Variants in PTN observed in about 807,000 individuals in gnomAD.
The protein encoded by PTN is pleiotrophin.
In PTN, 18 loss-of-function variants were observed where a neutral mutation model predicts 24.1. The observed-to-expected ratio is 0.75, with a 90% CI of 0.52 to 1.11. The LOEUF (loss-of-function observed/expected upper bound fraction) is 1.11. Ranked by LOEUF, PTN falls within the 50% of genes least tolerant of loss-of-function variation. The probability of loss-of-function intolerance (pLI) is 0.00; values close to 1 mark genes in which losing one functional copy is unlikely to be tolerated. For missense variants in PTN, 163 were observed against 198.8 expected (o/e 0.82, Z 1.08); for synonymous variants, 78 against 68.6 (o/e 1.14, Z -0.67).
At chr7:137,274,777 A>T (rs1007316825) in intron 1 of PTN, among the ~76,000 whole-genome samples, 5 of 151,684 alleles carry the variant, frequency 3.3e-5, no homozygotes, top group Admixed American at 1.3e-4. Context: ...TCATCTTGTC[A>T]TCAAAGATCA....
intron 1 of PTN, among the ~76,000 whole-genome samples, chr7:137,274,948 G>A (rs1291835643): frequency 2.0e-5 from 3 of 152,158 alleles, no homozygotes; most frequent in Admixed American, 1.3e-4. Flanking sequence ...CAAAGTAGTC[G>A]ATTTCTTTTA....
intron 1 of PTN, chr7:137,318,995 C>T (rs1218256430): frequency 1.3e-5 from 2 of 152,150 alleles, no homozygotes; most frequent in Non-Finnish European, 2.9e-5. Context: ...TTTTAAATTA[C>T]TGTAGGGATA....
At chr7:137,269,600 G>T (rs1585022372) in intron 1 of PTN, among the ~76,000 whole-genome samples, 1 of 136,740 alleles carries the variant, frequency 7.3e-6, no homozygotes, top group Non-Finnish European at 1.6e-5. Flanking sequence ...TTTTGGTCTT[G>T]CTATCTGTCA....
At chr7:137,228,127 T>A in intron 4 of PTN, 52 bp from the exon 5 acceptor site, 1 of 1,182,538 alleles carries the variant, frequency 8.5e-7, no homozygotes, top group East Asian at 2.3e-5. Context: ...AAATGTCAAG[T>A]TACTAAATTG....
At chr7:137,315,598 G>T (rs1245604249) in intron 1 of PTN, among the ~76,000 whole-genome samples, 1 of 152,140 alleles carries the variant, frequency 6.6e-6, no homozygotes, top group Non-Finnish European at 1.5e-5. Context: ...TGTGGAAAGG[G>T]GAGATCTAGC....
At chr7:137,321,574 T>G (rs1810163683) in intron 1 of PTN, among the ~76,000 whole-genome samples, 1 of 152,214 alleles carries the variant, frequency 6.6e-6, no homozygotes, top group Middle Eastern at 3.2e-3. Flanking sequence ...AGGTTTATAA[T>G]TTTTCCATGA....
intron 1 of PTN, among the ~76,000 whole-genome samples, chr7:137,316,986 G>A (rs1348222298): frequency 6.6e-6 from 1 of 152,152 alleles, no homozygotes; most frequent in African/African-American, 2.4e-5. Flanking sequence ...CCCAAGCCCG[G>A]CCTCTCCATT....
At chr7:137,236,971 T>C (rs750936259) in intron 4 of PTN, among the ~76,000 whole-genome samples, 4 of 152,146 alleles carry the variant, frequency 2.6e-5, no homozygotes, top group Non-Finnish European at 5.9e-5. Flanking sequence ...TACAGTCCCA[T>C]AAATGTTTTT....
chr7:137,230,646 T>C (rs369425967), intron 4 of PTN, among the ~76,000 whole-genome samples: 1 of 151,850 alleles, frequency 6.6e-6, no homozygotes, highest in Non-Finnish European at 1.5e-5. Context: ...GTGACTTTTA[T>C]GTACATTCAA....
At position 137,269,624 on chromosome 7, in the gene PTN, A is replaced by ATTTTTTTTTT. The variant is rs869311084; in HGVS notation, c.-1-14660_-1-14651dup. Among the ~76,000 whole-genome samples, 129 of 63,014 alleles carry ATTTTTTTTTT rather than the reference A, an allele frequency of 2.0e-3. 26 individuals are homozygous for ATTTTTTTTTT. Among genetic ancestry groups the ATTTTTTTTTT allele is most frequent in the African/African-American group, 9.3e-3 (125 of 13,428 alleles). 41.3% of individuals were successfully genotyped at this position (63,014 alleles called of 152,430 possible). ...TGCTATCTGTCAAGCTGCTTCATCT[A>ATTTTTTTTTT]TTTTTTTTTTTTTTTTTTTTTTTTT... On this transcript the variant is annotated intron_variant, in intron 1 of 4. Transcript: ENST00000348225.
At chr7:137,324,433 A>AATATATATATATATAT (rs71176396) in intron 1 of PTN, among the ~76,000 whole-genome samples, 4 of 88,750 alleles carry the variant, frequency 4.5e-5, no homozygotes, top group African/African-American at 2.8e-4. Flanking sequence ...AAAAAAAAAA[A>AATATATATATATATAT]ATATATATAT....
intron 4 of PTN, among the ~76,000 whole-genome samples, 167 bp from the exon 5 acceptor site, chr7:137,228,242 C>A (rs1221978549): frequency 6.6e-6 from 1 of 151,468 alleles, no homozygotes; most frequent in Non-Finnish European, 1.5e-5. Flanking sequence ...TGTGTATGTG[C>A]ATGTGTGTGT....
In PTN at chr7:137,330,490, G is replaced by C. The variant is rs549148137; in HGVS notation, c.-2+12949C>G. On this transcript the variant is annotated intron_variant, in intron 1 of 4. Transcript: ENST00000348225. ...ATCTAGAAGGCACATGTGCAGCAAA[G>C]CCCTGGCTGAAGGAACCCTGGTGTG... Among the ~76,000 whole-genome samples, 293 of 152,282 alleles carry C rather than the reference G, an allele frequency of 1.9e-3. 2 individuals are homozygous for C. Among genetic ancestry groups the C allele is most frequent in the East Asian group, 9.6e-4 (5 of 5,182 alleles).
intron 1 of PTN, among the ~76,000 whole-genome samples, chr7:137,339,697 T>C (rs1442312580): frequency 6.6e-6 from 1 of 151,856 alleles, no homozygotes; most frequent in Non-Finnish European, 1.5e-5. Flanking sequence ...TCCTGGTACA[T>C]CCGTACATAG....
At chr7:137,322,634 A>AAATATTGAG (rs1182472790) in intron 1 of PTN, among the ~76,000 whole-genome samples, 1 of 152,202 alleles carries the variant, frequency 6.6e-6, no homozygotes, top group Non-Finnish European at 1.5e-5. Context: ...AAAACATTAG[A>AAATATTGAG]AATATTGAGA....
At chr7:137,320,713 C>A (rs544114231) in intron 1 of PTN, among the ~76,000 whole-genome samples, 1 of 152,020 alleles carries the variant, frequency 6.6e-6, no homozygotes, top group Non-Finnish European at 1.5e-5. Flanking sequence ...GGATTTTTTT[C>A]CAAGTTTGCA....
At chr7:137,258,016 G>A (rs938712883) in intron 1 of PTN, among the ~76,000 whole-genome samples, 1 of 152,106 alleles carries the variant, frequency 6.6e-6, no homozygotes, top group African/African-American at 2.4e-5. Flanking sequence ...GTTATTCATG[G>A]CAAGGTGCTA....
At chr7:137,287,369 C>T (rs530509119) in intron 1 of PTN, among the ~76,000 whole-genome samples, 50 of 152,168 alleles carry the variant, frequency 3.3e-4, no homozygotes, top group African/African-American at 1.1e-3. Context: ...GTATTTAAAG[C>T]TTGTCGGCTA....
chr7:137,310,407 T>TG (rs1809962149), intron 1 of PTN, among the ~76,000 whole-genome samples: 1 of 137,750 alleles, frequency 7.3e-6, no homozygotes, highest in East Asian at 2.1e-4. Flanking sequence ...TTTTTTTGTT[T>TG]TTTTTTTTTT....
Sources: gnomAD v4.1 joint callset for allele counts (sites outside exome capture counted in the v4.1 genomes callset) on GRCh38, gnomAD v4.1.1 for gene constraint, MANE v1.5 for transcripts, NCBI Gene and HGNC (gene_info 2026-07-23, HGNC 2026-07-21) for gene names.